Variants in EYS observed in about 807,000 individuals in gnomAD.
EYS encodes protein eyes shut homolog.
In EYS, 250 loss-of-function variants were observed where a neutral mutation model predicts 282.1. The observed-to-expected ratio is 0.89, with a 90% confidence interval of 0.80 to 0.98. EYS has a LOEUF of 0.98. Among genes scored for constraint, EYS ranks in the 50% least tolerant of loss-of-function variants. The pLI, the probability that EYS is intolerant of heterozygous loss-of-function variation, is 0.00. For synonymous variants in EYS, 1,355 were observed against 1,282.9 expected (o/e 1.06, Z -1.20); for missense variants, 4,016 against 3,709.0 (o/e 1.08, Z -2.15).
In EYS at chr6:63,936,917, T is replaced by C. The variant is rs187246260; in HGVS notation, c.7055+47466A>G. On this transcript the variant is annotated intron_variant, in intron 35 of 42. Coordinates refer to ENST00000503581, the MANE Select transcript of EYS (RefSeq NM_001142800.2). The stretch of plus-strand genomic sequence containing the variant: ...GAAATTATAACATGTCATGAGGATA[T>C]GTTAAATGAAGGCTAGCCGTGGTGT... Among the ~76,000 whole-genome samples the C allele has an allele frequency of 1.3e-4, 20 of 152,286 alleles. No individual in the cohort carries two copies. In the East Asian group the frequency reaches 3.1e-3, roughly 23 times the overall value.
intron 26 of EYS, among the ~76,000 whole-genome samples, chr6:64,556,414 T>C (rs950988786): frequency 3.3e-5 from 5 of 151,870 alleles, no homozygotes; most frequent in African/African-American, 1.2e-4. Context: ...GTACATGATA[T>C]TTGAGGAGAG....
At chr6:65,364,558 T>C (rs906138035) in intron 8 of EYS, among the ~76,000 whole-genome samples, 9 of 151,658 alleles carry the variant, frequency 5.9e-5, no homozygotes, top group African/African-American at 2.2e-4. Context: ...AGACTTCTTA[T>C]GATATCCTTC....
intron 30 of EYS, among the ~76,000 whole-genome samples, chr6:64,269,251 T>C (rs1049444138): frequency 6.6e-6 from 1 of 152,140 alleles, no homozygotes; most frequent in Non-Finnish European, 1.5e-5. Context: ...TGGAATAGAT[T>C]AATCTTATAA....
chr6:64,994,056 A>G (rs988407103), intron 14 of EYS, among the ~76,000 whole-genome samples: 1 of 151,962 alleles, frequency 6.6e-6, no homozygotes, highest in Non-Finnish European at 1.5e-5. Context: ...TGAGAGGGGA[A>G]ATACTAGATT....
intron 28 of EYS, among the ~76,000 whole-genome samples, chr6:64,410,490 C>T (rs528074113): frequency 1.3e-5 from 2 of 151,986 alleles, no homozygotes; most frequent in Non-Finnish European, 2.9e-5. Flanking sequence ...GAAAAGATGG[C>T]TAATAATCAC....
At chr6:63,742,088 A>C in intron 41 of EYS, 2 of 654,546 alleles carry the variant, frequency 3.1e-6, no homozygotes, top group Non-Finnish European at 5.7e-6. Context: ...AACCTCTTTA[A>C]CTCTTCACTT....
chr6:64,353,756 G>A (rs1771727326), intron 29 of EYS, among the ~76,000 whole-genome samples: 1 of 151,572 alleles, frequency 6.6e-6, no homozygotes, highest in Non-Finnish European at 1.5e-5. Context: ...TATTGGGCTT[G>A]GGGGACACCA....
At chr6:64,104,983 T>G (rs1772959991) in intron 31 of EYS, among the ~76,000 whole-genome samples, 1 of 151,834 alleles carries the variant, frequency 6.6e-6, no homozygotes, top group Non-Finnish European at 1.5e-5. Flanking sequence ...CCAATACAGA[T>G]AATTTTATGT....
At chr6:64,836,636 T>C (rs1349985120) in intron 19 of EYS, among the ~76,000 whole-genome samples, 1 of 151,626 alleles carries the variant, frequency 6.6e-6, no homozygotes, top group East Asian at 1.9e-4. Flanking sequence ...CTATTGAAAA[T>C]AGCAATATCC....
intron 26 of EYS, among the ~76,000 whole-genome samples, chr6:64,563,585 G>T (rs777589713): frequency 2.6e-5 from 4 of 152,006 alleles, no homozygotes; most frequent in Non-Finnish European, 5.9e-5. Flanking sequence ...TTGTCAAATT[G>T]CATGTTATAT....
At chr6:64,594,204 C>A (rs1437584885) in intron 24 of EYS, among the ~76,000 whole-genome samples, 1 of 152,088 alleles carries the variant, frequency 6.6e-6, no homozygotes, top group Non-Finnish European at 1.5e-5. Context: ...GTATAAATGT[C>A]AGATGATTCC....
chr6:64,867,509 T>C (rs9345560), intron 19 of EYS, among the ~76,000 whole-genome samples: 13,995 of 151,728 alleles, frequency 0.092, 844 homozygotes, highest in East Asian at 0.32. Flanking sequence ...CTATGACACA[T>C]AGAGCAAAAA....
chr6:64,838,600 C>T lies in EYS; in HGVS notation c.2993-15778G>A, dbSNP rs189716044. On this transcript the variant is annotated intron_variant, in intron 19 of 42. Transcript: ENST00000503581. ...TATGGCTATAATATAGTGAGTCTTC[C>T]TCTCTTTCTGTTTCTCTACACACAC... Among the ~76,000 whole-genome samples, 5 of 137,324 alleles carry T rather than the reference C, an allele frequency of 3.6e-5. 1 individual carries two copies. In the East Asian group the frequency reaches 1.1e-3, roughly 31 times the overall value. 90.1% of individuals were successfully genotyped at this position (137,324 alleles called of 152,430 possible). A position where few individuals can be genotyped will look rare whatever the true frequency, so the allele number is the denominator to read the frequency against.
chr6:65,374,200 T>C (rs939185393), intron 8 of EYS, among the ~76,000 whole-genome samples: 10 of 152,094 alleles, frequency 6.6e-5, no homozygotes, highest in Non-Finnish European at 8.8e-5. Flanking sequence ...GTTCATCTCA[T>C]TGGGACTGGT....
chr6:63,903,795 C>T (rs928053137), intron 35 of EYS, among the ~76,000 whole-genome samples: 4 of 152,148 alleles, frequency 2.6e-5, no homozygotes, highest in Non-Finnish European at 2.9e-5. Flanking sequence ...GAGGTATCCT[C>T]TTGTGCAGAA....
chr6:64,523,222 A>G (rs1353250564), intron 26 of EYS, among the ~76,000 whole-genome samples: 1 of 151,774 alleles, frequency 6.6e-6, no homozygotes, highest in Non-Finnish European at 1.5e-5. Flanking sequence ...ATTCAAAATA[A>G]GAAAGAATAC....
chr6:64,646,119 G>GA (rs962175911), intron 22 of EYS, among the ~76,000 whole-genome samples: 21 of 152,086 alleles, frequency 1.4e-4, no homozygotes, highest in African/African-American at 1.4e-4. Flanking sequence ...TAGAATCTCA[G>GA]AAAAAAGAGA....
intron 31 of EYS, among the ~76,000 whole-genome samples, chr6:64,110,972 G>A (rs1022139387): frequency 2.6e-5 from 4 of 151,954 alleles, no homozygotes; most frequent in African/African-American, 9.7e-5. Flanking sequence ...TTGAAAAAAG[G>A]AGAAGAATCA....
intron 19 of EYS, among the ~76,000 whole-genome samples, chr6:64,870,014 T>C (rs9360095): frequency 0.092 from 13,960 of 151,608 alleles, 830 homozygotes; most frequent in East Asian, 0.32. Flanking sequence ...ACATCTAAGA[T>C]GGTCTTTTAA....
Sources: gnomAD v4.1 joint callset for allele counts (sites outside exome capture counted in the v4.1 genomes callset) on GRCh38, gnomAD v4.1.1 for gene constraint, MANE v1.5 for transcripts, NCBI Gene and HGNC (gene_info 2026-07-23, HGNC 2026-07-21) for gene names.